The following SLIT3 variants were observed in gnomAD, a reference collection of about 807,000 sequenced individuals.
The protein encoded by SLIT3 is slit guidance ligand 3, also known as slit homolog 3 protein.
Under a neutral mutation model 184.0 loss-of-function variants are expected in SLIT3, and 68 were observed. That is an observed-to-expected ratio of 0.37 (90% CI 0.30 to 0.45). The LOEUF (loss-of-function observed/expected upper bound fraction) is 0.45, where lower values mean the gene tolerates loss of function less well. SLIT3 is among the 20% of genes least tolerant of loss of function. The pLI, the probability that SLIT3 is intolerant of heterozygous loss-of-function variation, is 1.00. For synonymous variants in SLIT3, 831 were observed against 828.6 expected (o/e 1.00, Z -0.05); for missense variants, 1,707 against 2,026.0 (o/e 0.84, Z 3.02).
intron 1 of SLIT3, among the ~76,000 whole-genome samples, chr5:169,281,980 A>G (rs533573221): frequency 6.6e-6 from 1 of 152,380 alleles, no homozygotes; most frequent in East Asian, 1.9e-4. Context: ...GTTGCTAAAT[A>G]TAATGAACAG....
At chr5:169,066,458 CA>C (rs1198902961) in intron 4 of SLIT3, among the ~76,000 whole-genome samples, 5 of 151,946 alleles carry the variant, frequency 3.3e-5, no homozygotes, top group Non-Finnish European at 7.4e-5. Flanking sequence ...CTTACAAGAC[CA>C]AAAAAAGTGC....
Position 169,193,569 on chromosome 5 carries a change from G to A in SLIT3, c.342-19C>T, listed in dbSNP as rs1223803334. 1 of 1,599,476 alleles carries A rather than the reference G, an allele frequency of 6.3e-7. No homozygotes were observed. Among genetic ancestry groups the A allele is most frequent in the Non-Finnish European group, 8.6e-7 (1 of 1,166,748 alleles). On this transcript the variant is annotated intron_variant, in intron 3 of 35. Coordinates refer to ENST00000519560, the MANE Select transcript of SLIT3 (RefSeq NM_003062.4). ...CAGGCGCCTAAAGAGGAAAGAGAAT[G>A]GAAGGATGTCAAGGGGACATTAAAC...
rs1050275902 is a variant in SLIT3 at position 169,300,060 on chromosome 5, G to C, written c.197+453C>G. ...AGCCAGAGAGCGGCTGGCCCATTCT[G>C]ATCTCCAAGCAGGTCAACAGTCTCG... is the stretch of plus-strand genomic sequence containing the variant. On this transcript the variant is annotated intron_variant, in intron 1 of 35. Transcript: ENST00000519560. This position sits in a 1 kb window ranked among gnomAD's most constrained non-coding sequence, Gnocchi z 4.1. 6.6e-6 allele frequency among the ~76,000 whole-genome samples: 1 copy of C among 152,214 alleles called. No homozygotes were observed. Among genetic ancestry groups the C allele is most frequent in the Non-Finnish European group, 1.5e-5 (1 of 68,038 alleles).
chr5:168,918,955 C>T (rs746423062), intron 4 of SLIT3, among the ~76,000 whole-genome samples: 3 of 152,146 alleles, frequency 2.0e-5, no homozygotes, highest in Admixed American at 1.3e-4. Flanking sequence ...AGACATTCCA[C>T]TTCTGGAGAT....
chr5:169,258,317 A>T (rs1277255279), intron 1 of SLIT3, among the ~76,000 whole-genome samples: 1 of 152,228 alleles, frequency 6.6e-6, no homozygotes, highest in East Asian at 1.9e-4. Flanking sequence ...TAAATGCACA[A>T]ACAAACATAA....
At chr5:168,869,545 CCT>C (rs1216830945) in intron 5 of SLIT3, among the ~76,000 whole-genome samples, 1 of 152,186 alleles carries the variant, frequency 6.6e-6, no homozygotes, top group Non-Finnish European at 1.5e-5. Flanking sequence ...CTTGACACAG[CCT>C]CTGTTTATTT....
At chr5:169,059,025 A>G (rs1581362159) in intron 4 of SLIT3, among the ~76,000 whole-genome samples, 1 of 152,148 alleles carries the variant, frequency 6.6e-6, no homozygotes, top group Non-Finnish European at 1.5e-5. Context: ...TTGCCAAGGG[A>G]GCTGAGAAGC....
intron 4 of SLIT3, among the ~76,000 whole-genome samples, chr5:169,126,139 A>C (rs1761071135): frequency 6.6e-6 from 1 of 152,216 alleles, no homozygotes; most frequent in Non-Finnish European, 1.5e-5. Flanking sequence ...CCAATGGCAC[A>C]TCGTTAGACA....
chr5:168,870,849 A>G (rs1304225063), intron 5 of SLIT3, among the ~76,000 whole-genome samples: 1 of 152,246 alleles, frequency 6.6e-6, no homozygotes, highest in Non-Finnish European at 1.5e-5. Flanking sequence ...GTTTCTCAGA[A>G]TACAAGGTGA....
At chr5:168,690,976 C>G (rs1761889795) in intron 29 of SLIT3, among the ~76,000 whole-genome samples, 1 of 152,166 alleles carries the variant, frequency 6.6e-6, no homozygotes, top group South Asian at 2.1e-4. Flanking sequence ...CAAATTCCAC[C>G]CACCCTCAAG....
chr5:169,203,638 C>T (rs1465345634), intron 3 of SLIT3, among the ~76,000 whole-genome samples: 1 of 152,194 alleles, frequency 6.6e-6, no homozygotes, highest in African/African-American at 2.4e-5. Context: ...ACATGCTCTT[C>T]CCTTCTCTGG....
At chr5:168,957,739 G>A (rs78731914) in intron 4 of SLIT3, among the ~76,000 whole-genome samples, 2 of 151,096 alleles carry the variant, frequency 1.3e-5, no homozygotes, top group Non-Finnish European at 2.9e-5. Flanking sequence ...AAGCTCCTCC[G>A]GTGATTCTGT....
intron 1 of SLIT3, among the ~76,000 whole-genome samples, chr5:169,267,955 G>C (rs1160979395): frequency 6.6e-6 from 1 of 152,196 alleles, no homozygotes; most frequent in Non-Finnish European, 1.5e-5. Context: ...CATAGGTGCA[G>C]TAATCACTTT....
intron 29 of SLIT3, 23 bp downstream of exon 29, chr5:168,692,584 G>A (rs1761941926): frequency 4.5e-6 from 7 of 1,565,416 alleles, no homozygotes; most frequent in Non-Finnish European, 6.2e-6. Flanking sequence ...ACTCTGTGCT[G>A]GGGGCACGAA....
At chr5:168,957,662 A>G (rs1022872950) in intron 4 of SLIT3, among the ~76,000 whole-genome samples, 1 of 152,236 alleles carries the variant, frequency 6.6e-6, no homozygotes, top group Non-Finnish European at 1.5e-5. Flanking sequence ...TGGTCAAAGC[A>G]GACAGCTTCC....
At chr5:168,952,851 G>A (rs1220127953) in intron 4 of SLIT3, among the ~76,000 whole-genome samples, 3 of 152,220 alleles carry the variant, frequency 2.0e-5, no homozygotes, top group Non-Finnish European at 4.4e-5. Context: ...GTCGGGGAGA[G>A]AGATTGGGCT....
intron 4 of SLIT3, among the ~76,000 whole-genome samples, chr5:169,062,331 T>G (rs1377410127): frequency 6.6e-6 from 1 of 152,242 alleles, no homozygotes; most frequent in Non-Finnish European, 1.5e-5. Flanking sequence ...ATTTGTTTAG[T>G]GCTTATTAAG....
At chr5:168,975,956 C>G (rs1419920000) in intron 4 of SLIT3, among the ~76,000 whole-genome samples, 1 of 152,164 alleles carries the variant, frequency 6.6e-6, no homozygotes, top group Non-Finnish European at 1.5e-5. Context: ...CCTGTAAAAG[C>G]CAAAGCAGGG....
chr5:168,889,049 A>G (rs148490667), intron 4 of SLIT3, among the ~76,000 whole-genome samples: 289 of 152,306 alleles, frequency 1.9e-3, no homozygotes, highest in Middle Eastern at 3.4e-3. Context: ...ACTTTCTAAT[A>G]TATAGTAACC....
Sources: gnomAD v4.1 joint callset for allele counts (sites outside exome capture counted in the v4.1 genomes callset) on GRCh38, gnomAD v4.1.1 for gene constraint, Gnocchi (gnomAD v3.1) non-coding constraint, MANE v1.5 for transcripts, NCBI Gene and HGNC (gene_info 2026-07-23, HGNC 2026-07-21) for gene names.